The following UBR1 variants were observed in gnomAD, a reference collection of about 807,000 sequenced individuals.
UBR1 encodes E3 ubiquitin-protein ligase UBR1.
Under a neutral mutation model 242.1 loss-of-function variants are expected in UBR1, and 102 were observed. The ratio of observed to expected loss-of-function variants is 0.42; its 90% CI spans 0.36 to 0.50. The LOEUF (loss-of-function observed/expected upper bound fraction) is 0.50, where lower values mean the gene tolerates loss of function less well. Ranked by LOEUF, UBR1 falls within the 20% of genes least tolerant of loss-of-function variation. The probability of loss-of-function intolerance (pLI) is 0.01; values close to 1 mark genes in which losing one functional copy is unlikely to be tolerated. For missense variants in UBR1, 1,772 were observed against 2,101.8 expected, an observed-to-expected ratio of 0.84 and a Z score of 3.07; for synonymous variants, 675 against 684.8, an observed-to-expected ratio of 0.99 and a Z score of 0.22.
intron 31 of UBR1, 93 bp from the exon 32 acceptor site, chr15:43,002,797 T>C: frequency 6.5e-7 from 1 of 1,545,554 alleles, no homozygotes; most frequent in East Asian, 2.3e-5. Context: ...TTTAAAAATC[T>C]GGAATTTTTG....
At chr15:43,014,849 G>A (rs182387437) in intron 29 of UBR1, among the ~76,000 whole-genome samples, 3,639 of 88,682 alleles carry the variant, frequency 0.041, no homozygotes, top group Middle Eastern at 0.16. Context: ...GTCAGCCCCC[G>A]CCCGGCCAGC....
chr15:43,074,045 A>C (rs2033856879), intron 4 of UBR1, among the ~76,000 whole-genome samples: 1 of 152,094 alleles, frequency 6.6e-6, no homozygotes, highest in African/African-American at 2.4e-5. Flanking sequence ...TCTTGTGAAA[A>C]TTTTCTGAAT....
At chr15:43,037,549 A>G (rs2033353177) in intron 17 of UBR1, among the ~76,000 whole-genome samples, 1 of 152,096 alleles carries the variant, frequency 6.6e-6, no homozygotes, top group Non-Finnish European at 1.5e-5. Flanking sequence ...GCTTTCCCTT[A>G]ATTTATCACA....
Position 43,029,963 on chromosome 15 carries a change from G to T in UBR1, c.2360C>A (p.Ala787Asp). 6.2e-7 allele frequency: 1 copy of T among 1,614,032 alleles called. No individual in the cohort carries two copies. Among genetic ancestry groups the T allele is most frequent in the South Asian group, 1.1e-5 (1 of 91,088 alleles). Reference sequence around the variant, plus strand: ...ACTTACATTCTCAGGTAAATTTTTGGCAATGGCACTGTGTGGCATGGGTTC... The same window carrying T: ...ACTTACATTCTCAGGTAAATTTTTGTCAATGGCACTGTGTGGCATGGGTTC... ...CIEPMPHSAI[A>D]KNLPENENNE... Residue 787 changes from alanine to aspartate, a missense_variant, in exon 21 of 47, where the codon GCC becomes GAC. Transcript: ENST00000290650.
intron 46 of UBR1, among the ~76,000 whole-genome samples, chr15:42,948,404 T>C (rs1219857785): frequency 6.6e-6 from 1 of 152,172 alleles, no homozygotes; most frequent in Non-Finnish European, 1.5e-5. Flanking sequence ...CCAAAAGTAA[T>C]GGCAACAAAA....
At chr15:43,005,317 C>A (rs2032798714) in intron 30 of UBR1, among the ~76,000 whole-genome samples, 1 of 145,584 alleles carries the variant, frequency 6.9e-6, no homozygotes, top group Non-Finnish European at 1.5e-5. Flanking sequence ...CGGCAGCCGC[C>A]CCATCCGGGA....
At chr15:43,003,297 C>G (rs1174760060) in intron 31 of UBR1, 1 of 165,386 alleles carries the variant, frequency 6.0e-6, no homozygotes, top group African/African-American at 2.4e-5. Context: ...CTCTTGTCTC[C>G]CAAGCTGGAG....
chr15:43,056,436 T>C lies in UBR1; in HGVS notation c.1189A>G (p.Lys397Glu). 1 of 1,597,976 alleles carries C rather than the reference T, an allele frequency of 6.3e-7. No individual in the cohort carries two copies. The highest frequency in any genetic ancestry group is 8.6e-7 in the Non-Finnish European group (1 of 1,165,600). ...CTGATATATTCTTTCTGCAGTTGTT[T>C]ATAATACTGAAATATATAAGTAGAG... is the stretch of plus-strand genomic sequence containing the variant. The part of the protein sequence containing the change: ...LFAMEFVKYY[K>E]QLQKEYISDD... Residue 397 changes from lysine (K) to glutamate (E), a missense_variant, in exon 11 of 47, where the codon AAA becomes GAA. Coordinates refer to ENST00000290650, the MANE Select transcript of UBR1 (RefSeq NM_174916.3).
At chr15:43,035,793 T>C (rs1472318381) in intron 19 of UBR1, among the ~76,000 whole-genome samples, 1 of 151,788 alleles carries the variant, frequency 6.6e-6, no homozygotes, top group Non-Finnish European at 1.5e-5. Flanking sequence ...CCATCTTGAA[T>C]TGATTTTTGT....
At position 42,978,009 on chromosome 15, in the gene UBR1, T is replaced by C. The variant is rs2032316670; in HGVS notation, c.4151-62A>G. The C allele has an allele frequency of 2.6e-5, 36 of 1,411,610 alleles. No individual in the cohort carries two copies. The South Asian group carries it at 3.9e-4, about 15-fold the overall frequency. 87.4% of individuals were successfully genotyped at this position (1,411,610 alleles called of 1,614,324 possible). On this transcript the variant is annotated intron_variant, in intron 37 of 46. Transcript: ENST00000290650. ...AAGATAGCAGTGTAGGTAAATAAAA[T>C]GCAAGCTAAAAACACCTAAACCAAA...
At chr15:43,058,208 C>G (rs2141335935) in intron 10 of UBR1, 133 bp downstream of exon 10, 1 of 726,878 alleles carries the variant, frequency 1.4e-6, no homozygotes, top group Middle Eastern at 4.2e-4. Context: ...ACCCGCAGGG[C>G]CAAGAACAAA....
chr15:43,045,629 T>C (rs1336240632), intron 14 of UBR1, among the ~76,000 whole-genome samples: 1 of 152,096 alleles, frequency 6.6e-6, no homozygotes, highest in Non-Finnish European at 1.5e-5. Flanking sequence ...GAATGTAAGA[T>C]ATACACACAT....
chr15:42,950,366 G>A lies in UBR1; in HGVS notation c.5007-3C>T, dbSNP rs751851313. 4.3e-6 allele frequency: 7 copies of A among 1,612,890 alleles called. No individual in the cohort carries two copies. The South Asian group carries it at 6.6e-5, about 15-fold the overall frequency. Reference sequence around the variant, plus strand: ...GGACCACTCGGCATTCTCTGATTCTGAAAGAGAAAATCAATAGGAAATATG... The same window carrying A: ...GGACCACTCGGCATTCTCTGATTCTAAAAGAGAAAATCAATAGGAAATATG... On this transcript the variant is annotated splice_polypyrimidine_tract_variant and splice_region_variant and intron_variant, in intron 45 of 46. Transcript: ENST00000290650.
intron 12 of UBR1, among the ~76,000 whole-genome samples, chr15:43,050,491 C>A (rs2033541331): frequency 1.3e-5 from 2 of 152,138 alleles, no homozygotes; most frequent in Non-Finnish European, 2.9e-5. Flanking sequence ...GGGCAGATTG[C>A]CTGAGCTCAG....
At chr15:43,028,239 A>G (rs1454451945) in intron 21 of UBR1, among the ~76,000 whole-genome samples, 1 of 152,166 alleles carries the variant, frequency 6.6e-6, no homozygotes, top group South Asian at 2.1e-4. Context: ...ATGAGCTCCA[A>G]CTAGTTAATC....
At chr15:43,015,937 G>T in intron 28 of UBR1, 68 bp from the exon 29 acceptor site, 1 of 1,445,482 alleles carries the variant, frequency 6.9e-7, no homozygotes, top group Non-Finnish European at 9.6e-7. Context: ...CTGTTTGGAT[G>T]GCAAAATTCC....
At chr15:43,036,375 A>G in intron 18 of UBR1, 96 bp from the exon 19 acceptor site, 1 of 1,261,944 alleles carries the variant, frequency 7.9e-7, no homozygotes, top group Non-Finnish European at 1.2e-6. Context: ...TTTGCAGAAG[A>G]TAATGTAGTA....
chr15:42,956,515 G>C (rs180671032), intron 44 of UBR1, among the ~76,000 whole-genome samples: 1 of 152,094 alleles, frequency 6.6e-6, no homozygotes, highest in Non-Finnish European at 1.5e-5. Context: ...AGGCAGAGGC[G>C]GAGTTTCACC....
intron 32 of UBR1, among the ~76,000 whole-genome samples, chr15:43,001,684 AAAT>A (rs61514205): frequency 1.4e-4 from 21 of 152,368 alleles, no homozygotes; most frequent in South Asian, 6.2e-4. Context: ...GTTATACAAA[AAAT>A]AATAATTTGC....
Sources: gnomAD v4.1 joint callset for allele counts (sites outside exome capture counted in the v4.1 genomes callset) on GRCh38, gnomAD v4.1.1 for gene constraint, MANE v1.5 for transcripts, NCBI Gene and HGNC (gene_info 2026-07-23, HGNC 2026-07-21) for gene names.